The following FGD3 variants were observed in gnomAD, a reference collection of about 807,000 sequenced individuals.
FGD3 encodes the protein FYVE, RhoGEF and PH domain containing 3, also known as FYVE, RhoGEF and PH domain-containing protein 3.
FGD3 carries 45 observed loss-of-function variants against 71.8 expected under a neutral mutation model. The observed-to-expected ratio is 0.63, with a 90% CI of 0.49 to 0.80. The LOEUF (loss-of-function observed/expected upper bound fraction) is 0.80, where lower values mean the gene tolerates loss of function less well. Among genes scored for constraint, FGD3 ranks in the 30% least tolerant of loss-of-function variants. FGD3 has a pLI of 0.00. For synonymous variants in FGD3, 378 were observed against 392.8 expected (o/e 0.96, Z 0.44); for missense variants, 844 against 951.5 (o/e 0.89, Z 1.49).
intron 3 of FGD3, among the ~76,000 whole-genome samples, chr9:92,993,424 G>A (rs1860497661): frequency 6.6e-6 from 1 of 151,942 alleles, no homozygotes; most frequent in South Asian, 2.1e-4. Flanking sequence ...GCATATAGTT[G>A]GATGCTGTTA....
At chr9:93,025,900 C>T (rs1263725764) in intron 14 of FGD3, among the ~76,000 whole-genome samples, 2 of 152,244 alleles carry the variant, frequency 1.3e-5, no homozygotes, top group Admixed American at 6.5e-5. Context: ...AGGCCACGCC[C>T]TGTGTCCACC....
chr9:93,017,778 C>T (rs1861757153), intron 10 of FGD3, among the ~76,000 whole-genome samples: 1 of 152,144 alleles, frequency 6.6e-6, no homozygotes. Flanking sequence ...GCGGGCAGTG[C>T]CCAGTGGTGC....
At chr9:92,966,089 G>A (rs1174171928) in intron 1 of FGD3, among the ~76,000 whole-genome samples, 1 of 152,200 alleles carries the variant, frequency 6.6e-6, no homozygotes, top group Non-Finnish European at 1.5e-5. Flanking sequence ...CAGGATATGA[G>A]GACCTTCATT....
In FGD3 at chr9:93,003,150, A is replaced by G. The variant is rs1278185175; in HGVS notation, c.543+136A>G. On this transcript the variant is annotated intron_variant, in intron 4 of 17. Coordinates refer to ENST00000375482, the MANE Select transcript of FGD3 (RefSeq NM_001083536.2). The surrounding 1 kb of genome is among the most constrained non-coding windows in gnomAD (Gnocchi z 4.1). The stretch of plus-strand genomic sequence containing the variant: ...CTACAAACTTTTTTTTTTTTTTGAG[A>G]CAAAGTCTCACTCTGTCACCCAAGC... 4 of 746,060 alleles carry G rather than the reference A, an allele frequency of 5.4e-6. No homozygotes were observed. The highest frequency in any genetic ancestry group is 8.5e-6 in the Non-Finnish European group (4 of 470,012). The allele number at this position is 746,060 out of a possible 1,614,324, so 46.2% of individuals were successfully genotyped here.
chr9:93,027,459 T>C (rs1200931204), intron 14 of FGD3, among the ~76,000 whole-genome samples: 1 of 152,190 alleles, frequency 6.6e-6, no homozygotes, highest in East Asian at 1.9e-4. Context: ...CTCTGTGTCC[T>C]CATCTCTTCT....
chr9:93,017,886 G>C (rs367997000), intron 10 of FGD3, among the ~76,000 whole-genome samples: 21 of 152,282 alleles, frequency 1.4e-4, no homozygotes, highest in African/African-American at 4.8e-4. Context: ...GGTCAGCAGA[G>C]TTCCAAGCAC....
intron 3 of FGD3, among the ~76,000 whole-genome samples, chr9:93,002,104 C>G (rs1185639604): frequency 6.6e-6 from 1 of 152,154 alleles, no homozygotes; most frequent in Non-Finnish European, 1.5e-5. Flanking sequence ...TGAAAACTTC[C>G]ATAGTGATGA....
chr9:92,970,289 G>A (rs1859485217), intron 1 of FGD3, among the ~76,000 whole-genome samples: 1 of 152,206 alleles, frequency 6.6e-6, no homozygotes, highest in Admixed American at 6.5e-5. Flanking sequence ...GGGTGTACTT[G>A]CCTTATATGT....
intron 1 of FGD3, among the ~76,000 whole-genome samples, chr9:92,955,120 T>C (rs1424643418): frequency 6.6e-6 from 1 of 152,154 alleles, no homozygotes; most frequent in Non-Finnish European, 1.5e-5. Context: ...CCAATCATTG[T>C]AGAGGCCAGG....
chr9:92,990,481 C>T (rs1356083599), intron 3 of FGD3, among the ~76,000 whole-genome samples: 1 of 152,218 alleles, frequency 6.6e-6, no homozygotes, highest in Non-Finnish European at 1.5e-5. Flanking sequence ...GGAAAGTGGG[C>T]ATCCTTGTCT....
intron 14 of FGD3, among the ~76,000 whole-genome samples, chr9:93,026,931 C>T (rs1261681517): frequency 6.6e-6 from 1 of 152,222 alleles, no homozygotes; most frequent in Non-Finnish European, 1.5e-5. Flanking sequence ...TTCCACTAAT[C>T]ACTCCCACTT....
intron 11 of FGD3, among the ~76,000 whole-genome samples, chr9:93,018,971 G>A (rs1861809914): frequency 6.6e-6 from 1 of 152,010 alleles, no homozygotes; most frequent in Non-Finnish European, 1.5e-5. Flanking sequence ...TCAGCCTCCT[G>A]GGTAGTTGGG....
chr9:93,016,857 G>A (rs1252136499), intron 10 of FGD3, among the ~76,000 whole-genome samples: 18 of 152,028 alleles, frequency 1.2e-4, no homozygotes, highest in African/African-American at 4.1e-4. Context: ...TCCTGACCTC[G>A]TGATCCACCT....
At chr9:93,015,938 C>A in intron 10 of FGD3, 109 bp downstream of exon 10, 1 of 925,876 alleles carries the variant, frequency 1.1e-6, no homozygotes. Flanking sequence ...CAGCCTGGCA[C>A]CCCTACCTGC....
At chr9:93,027,563 C>T (rs1862159908) in intron 14 of FGD3, among the ~76,000 whole-genome samples, 1 of 151,966 alleles carries the variant, frequency 6.6e-6, no homozygotes, top group African/African-American at 2.4e-5. Context: ...AATATAGTCA[C>T]ATTCAGAGTT....
At chr9:92,991,489 A>C (rs1365775867) in intron 3 of FGD3, among the ~76,000 whole-genome samples, 1 of 152,110 alleles carries the variant, frequency 6.6e-6, no homozygotes, top group Non-Finnish European at 1.5e-5. Context: ...GTTGATGTCT[A>C]GTTTTATTCC....
chr9:92,962,049 C>A (rs890896942), intron 1 of FGD3, among the ~76,000 whole-genome samples: 7 of 152,190 alleles, frequency 4.6e-5, no homozygotes, highest in African/African-American at 1.7e-4. Flanking sequence ...CATTGGGGGG[C>A]AGGCTGCCAA....
At chr9:93,029,018 T>TG (rs1862250896) in intron 14 of FGD3, among the ~76,000 whole-genome samples, 1 of 129,356 alleles carries the variant, frequency 7.7e-6, no homozygotes, top group Non-Finnish European at 1.6e-5. Context: ...TTTTTTTTTT[T>TG]TTTTTTTTTT....
chr9:92,979,638 CCCT>C (rs1859908806), intron 3 of FGD3, among the ~76,000 whole-genome samples: 3 of 152,080 alleles, frequency 2.0e-5, no homozygotes, highest in Admixed American at 1.3e-4. Flanking sequence ...TGGAAGTATG[CCCT>C]CCTCTTCAAT....
Sources: gnomAD v4.1 joint callset for allele counts (sites outside exome capture counted in the v4.1 genomes callset) on GRCh38, gnomAD v4.1.1 for gene constraint, Gnocchi (gnomAD v3.1) non-coding constraint, MANE v1.5 for transcripts, NCBI Gene and HGNC (gene_info 2026-07-23, HGNC 2026-07-21) for gene names.